Variants in CNTNAP2 observed in about 807,000 individuals in gnomAD.
The protein encoded by CNTNAP2 is contactin-associated protein-like 2.
CNTNAP2 carries 98 observed loss-of-function variants against 155.2 expected under a neutral mutation model. That is an observed-to-expected ratio of 0.63 (90% CI 0.54 to 0.75). The LOEUF is 0.75. Among genes scored for constraint, CNTNAP2 ranks in the 30% least tolerant of loss-of-function variants. The probability of loss-of-function intolerance (pLI) is 0.00; values close to 1 mark genes in which losing one functional copy is unlikely to be tolerated. For synonymous variants in CNTNAP2, 651 were observed against 631.2 expected, an observed-to-expected ratio of 1.03 and a Z score of -0.47; for missense variants, 1,727 against 1,688.1, an observed-to-expected ratio of 1.02 and a Z score of -0.40.
intron 1 of CNTNAP2, among the ~76,000 whole-genome samples, chr7:146,515,045 A>G (rs1012418154): frequency 1.3e-5 from 2 of 152,044 alleles, no homozygotes; most frequent in African/African-American, 4.8e-5. Flanking sequence ...AAGGCTGTCT[A>G]TGGGTTCATG....
At chr7:146,463,815 A>T (rs944265581) in intron 1 of CNTNAP2, among the ~76,000 whole-genome samples, 1 of 152,076 alleles carries the variant, frequency 6.6e-6, no homozygotes, top group African/African-American at 2.4e-5. Flanking sequence ...GCTAAAATTT[A>T]AAAAAATGAT....
At chr7:146,534,203 T>G (rs998409383) in intron 1 of CNTNAP2, among the ~76,000 whole-genome samples, 2 of 152,138 alleles carry the variant, frequency 1.3e-5, no homozygotes, top group East Asian at 3.9e-4. Context: ...AGTAAAAATA[T>G]AGAATTCAAG....
intron 3 of CNTNAP2, among the ~76,000 whole-genome samples, chr7:146,872,207 G>T: frequency 7.0e-6 from 1 of 143,378 alleles, no homozygotes; most frequent in African/African-American, 2.6e-5. Flanking sequence ...ATTCTTCATG[G>T]GAAGGTACGT....
chr7:148,400,103 C>G (rs73155905), intron 22 of CNTNAP2, among the ~76,000 whole-genome samples: 8 of 152,124 alleles, frequency 5.3e-5, no homozygotes, highest in Admixed American at 3.9e-4. Context: ...TGCTCTCCCC[C>G]AAAGGCATCT....
chr7:148,315,688 A>C (rs1797675193), intron 21 of CNTNAP2, among the ~76,000 whole-genome samples: 1 of 152,214 alleles, frequency 6.6e-6, no homozygotes, highest in East Asian at 1.9e-4. Context: ...TTTATGGATT[A>C]TATCTTTGTT....
chr7:148,320,594 G>A (rs1185500233), intron 21 of CNTNAP2, among the ~76,000 whole-genome samples: 1 of 151,826 alleles, frequency 6.6e-6, no homozygotes, highest in Non-Finnish European at 1.5e-5. Context: ...ATGTTGGCCA[G>A]GCTGGTCTCA....
intron 1 of CNTNAP2, among the ~76,000 whole-genome samples, chr7:146,164,415 G>T (rs1295109959): frequency 6.6e-6 from 1 of 152,108 alleles, no homozygotes; most frequent in African/African-American, 2.4e-5. Context: ...TATTTAGGTA[G>T]GTATGTACCT....
chr7:146,937,232 A>G (rs1330554097), intron 3 of CNTNAP2, among the ~76,000 whole-genome samples: 6 of 151,922 alleles, frequency 3.9e-5, no homozygotes, highest in Non-Finnish European at 8.8e-5. Flanking sequence ...CTTAAAAAAA[A>G]TAGAAAAACT....
intron 4 of CNTNAP2, among the ~76,000 whole-genome samples, chr7:147,098,804 CTTTATAT>C (rs567454304): frequency 1.1e-3 from 163 of 152,234 alleles, no homozygotes; most frequent in African/African-American, 3.2e-3. Context: ...TTTATTAATA[CTTTATAT>C]TATTGATACG....
At chr7:148,250,505 T>TAA (rs1412449959) in intron 20 of CNTNAP2, among the ~76,000 whole-genome samples, 2 of 152,216 alleles carry the variant, frequency 1.3e-5, no homozygotes, top group African/African-American at 2.4e-5. Flanking sequence ...ACCTGTGATG[T>TAA]GACTACAGAT....
intron 4 of CNTNAP2, among the ~76,000 whole-genome samples, chr7:147,075,951 G>C (rs1799990480): frequency 6.6e-6 from 1 of 152,166 alleles, no homozygotes; most frequent in South Asian, 2.1e-4. Flanking sequence ...TCCCTACAAA[G>C]AACCTGAACT....
At chr7:146,157,095 T>G (rs13309079) in intron 1 of CNTNAP2, among the ~76,000 whole-genome samples, 27,424 of 152,114 alleles carry the variant, frequency 0.18, 2,850 homozygotes, top group African/African-American at 0.28. Flanking sequence ...TTCCTCAATC[T>G]AACTTAGGTT....
At chr7:146,930,212 G>A (rs1390811937) in intron 3 of CNTNAP2, among the ~76,000 whole-genome samples, 3 of 152,154 alleles carry the variant, frequency 2.0e-5, no homozygotes, top group African/African-American at 7.2e-5. Flanking sequence ...CCCTCAAAGG[G>A]AAGCCCATCA....
In CNTNAP2 at chr7:148,419,939, G is replaced by A. The variant is rs1043439579; in HGVS notation, c.*4323G>A. 2.0e-5 allele frequency: 3 copies of A among 152,114 alleles called. No individual in the cohort carries two copies. The highest frequency in any genetic ancestry group is 7.2e-5 in the African/African-American group (3 of 41,398). The allele number at this position is 152,114 out of a possible 1,614,324, so 9.4% of individuals were successfully genotyped here. A position where few individuals can be genotyped will look rare whatever the true frequency, so the allele number is the denominator to read the frequency against. On this transcript the variant is annotated 3_prime_UTR_variant, in exon 24 of 24. Coordinates refer to ENST00000361727, the MANE Select transcript of CNTNAP2 (RefSeq NM_014141.6). ...CAGTTGCGAGGTGCCATTGATTCTT[G>A]ACTGCAAAATACCTTGAAACCCTTA...
intron 9 of CNTNAP2, among the ~76,000 whole-genome samples, chr7:147,387,853 T>C (rs1377936925): frequency 6.6e-6 from 1 of 152,208 alleles, no homozygotes; most frequent in Non-Finnish European, 1.5e-5. Context: ...GGAGATAGTT[T>C]GAGGCTATGT....
chr7:147,131,882 G>A (rs146114755), intron 7 of CNTNAP2, among the ~76,000 whole-genome samples: 1 of 151,132 alleles, frequency 6.6e-6, no homozygotes, highest in Non-Finnish European at 1.5e-5. Flanking sequence ...ACTTATGTTC[G>A]GCCAGCAGTA....
chr7:148,005,964 G>T (rs73466128), intron 15 of CNTNAP2, among the ~76,000 whole-genome samples: 9,955 of 152,198 alleles, frequency 0.065, 737 homozygotes, highest in African/African-American at 0.19. Flanking sequence ...TTTCAATAGA[G>T]TCTCACGAGG....
At chr7:148,253,961 G>A (rs1418119594) in intron 20 of CNTNAP2, among the ~76,000 whole-genome samples, 7 of 151,912 alleles carry the variant, frequency 4.6e-5, no homozygotes, top group African/African-American at 9.7e-5. Context: ...TTGCATATAC[G>A]CAGGTCCTGC....
In CNTNAP2 at chr7:146,441,763, G is replaced by A. The variant is rs190248493; in HGVS notation, c.97+324790G>A. Among the ~76,000 whole-genome samples, 32 of 151,258 alleles carry A rather than the reference G, an allele frequency of 2.1e-4. No homozygotes were observed. In the East Asian group the frequency reaches 5.6e-3, roughly 27 times the overall value. On this transcript the variant is annotated intron_variant, in intron 1 of 23. Transcript: ENST00000361727. ...CTTCTGCTGTGTCTCTCTTTTCTTC[G>A]CTCCTGGGTCTCCAGCTGGAGACAA...
Sources: allele counts gnomAD v4.1 joint callset (sites outside exome capture counted in the v4.1 genomes callset), GRCh38; gene constraint gnomAD v4.1.1; transcripts MANE v1.5; gene names NCBI Gene and HGNC (gene_info 2026-07-23, HGNC 2026-07-21).